Variants in SLC24A2 observed in about 807,000 individuals in gnomAD.
The protein encoded by SLC24A2 is sodium/potassium/calcium exchanger 2.
Under a neutral mutation model 62.0 loss-of-function variants are expected in SLC24A2, and 36 were observed. The observed-to-expected ratio is 0.58, with a 90% CI of 0.44 to 0.77. SLC24A2 has a LOEUF of 0.77. Among genes scored for constraint, SLC24A2 ranks in the 30% least tolerant of loss-of-function variants. The pLI is 0.00. For synonymous variants in SLC24A2, 358 were observed against 294.0 expected, an observed-to-expected ratio of 1.22 and a Z score of -2.23; for missense variants, 846 against 817.9, an observed-to-expected ratio of 1.03 and a Z score of -0.42.
Position 19,786,754 on chromosome 9 carries a change from C to T in SLC24A2, c.113G>A (p.Arg38Gln), listed in dbSNP as rs1260069416. The change falls in exon 2 of 11, where the codon CGA becomes CAA. Residue 38 changes from arginine to glutamine, a missense_variant. Physicochemically the swap from Arg to Gln is conservative, Grantham distance 43. Coordinates refer to ENST00000341998, the MANE Select transcript of SLC24A2 (RefSeq NM_020344.4). The surrounding 1 kb of genome is among the most constrained non-coding windows in gnomAD (Gnocchi z 5.0). ...YSVKKKLKLI[R>Q]VLGLFMGLVA... Reference sequence around the variant, plus strand: ...CAGACCCATGAAAAGGCCTAAGACTCGAATTAACTTCAGTTTTTTCTTGAC... The same window carrying T: ...CAGACCCATGAAAAGGCCTAAGACTTGAATTAACTTCAGTTTTTTCTTGAC... 2.5e-6 allele frequency: 4 copies of T among 1,601,348 alleles called. No homozygotes were observed. Among genetic ancestry groups the T allele is most frequent in the South Asian group, 1.1e-5 (1 of 89,362 alleles).
intron 7 of SLC24A2, among the ~76,000 whole-genome samples, chr9:19,556,738 T>A (rs1179600840): frequency 2.0e-5 from 3 of 152,184 alleles, no homozygotes; most frequent in African/African-American, 7.2e-5. Context: ...AGCACTTACG[T>A]ATTTTACATA....
chr9:19,875,302 A>G, the SLC24A2 span, among the ~76,000 whole-genome samples: 1 of 152,168 alleles, frequency 6.6e-6, no homozygotes, highest in East Asian at 1.9e-4. Flanking sequence ...TTTTGCTCTC[A>G]TTTCTTCATA....
the SLC24A2 span, among the ~76,000 whole-genome samples, chr9:20,110,898 G>GA: frequency 1.3e-5 from 2 of 152,054 alleles, no homozygotes; most frequent in African/African-American, 4.8e-5. Flanking sequence ...TCTCAAATGA[G>GA]GATCCATTTT....
At chr9:19,728,093 G>A (rs1404467812) in intron 2 of SLC24A2, among the ~76,000 whole-genome samples, 1 of 152,118 alleles carries the variant, frequency 6.6e-6, no homozygotes, top group Non-Finnish European at 1.5e-5. Context: ...GGCTGTGGAG[G>A]CCATGACCTT....
chr9:20,148,892 T>A, the SLC24A2 span, among the ~76,000 whole-genome samples: 2 of 152,004 alleles, frequency 1.3e-5, no homozygotes, highest in African/African-American at 2.4e-5. Flanking sequence ...TTATGAAACG[T>A]CTAAGGAGAA....
the SLC24A2 span, among the ~76,000 whole-genome samples, chr9:19,885,198 TTA>T: frequency 6.6e-6 from 1 of 152,200 alleles, no homozygotes; most frequent in Non-Finnish European, 1.5e-5. Flanking sequence ...CTGGACCCGT[TTA>T]ACTGTCATGC....
At chr9:19,675,250 G>GCCA (rs1819529205) in intron 2 of SLC24A2, among the ~76,000 whole-genome samples, 3 of 152,208 alleles carry the variant, frequency 2.0e-5, no homozygotes, top group African/African-American at 7.2e-5. Flanking sequence ...CTGCTCCAGT[G>GCCA]GAGGTGGCAG....
At chr9:19,601,322 G>A (rs113430806) in intron 4 of SLC24A2, among the ~76,000 whole-genome samples, 1,637 of 152,318 alleles carry the variant, frequency 0.011, 41 homozygotes, top group African/African-American at 0.036. Flanking sequence ...CATTCTGATA[G>A]GACAGAAATC....
intron 7 of SLC24A2, among the ~76,000 whole-genome samples, chr9:19,557,541 G>A (rs974025519): frequency 2.0e-5 from 3 of 152,210 alleles, no homozygotes; most frequent in African/African-American, 7.2e-5. Flanking sequence ...TTACCCTGTA[G>A]TGGTGTTGAC....
intron 2 of SLC24A2, among the ~76,000 whole-genome samples, chr9:19,770,458 A>C (rs1466387025): frequency 6.6e-6 from 1 of 152,148 alleles, no homozygotes; most frequent in Non-Finnish European, 1.5e-5. Flanking sequence ...TGAACTTTAC[A>C]CTAAAAATGT....
intron 2 of SLC24A2, among the ~76,000 whole-genome samples, chr9:19,768,850 C>T (rs1026903803): frequency 3.9e-5 from 6 of 152,304 alleles, no homozygotes; most frequent in Non-Finnish European, 7.4e-5. Context: ...TCAGTAGCTG[C>T]ACCTCCCAGG....
chr9:20,171,916 T>C, the SLC24A2 span, among the ~76,000 whole-genome samples: 42 of 152,136 alleles, frequency 2.8e-4, no homozygotes, highest in Admixed American at 2.5e-3. Flanking sequence ...ATATACCTTC[T>C]ATTCATCAGT....
rs911464317 is a variant in SLC24A2, at chr9:19,738,368, G to A, written c.930+47569C>T. ...GGAGTGGGGGCTGGATGATGTTAGG[G>A]TAAAAGTGGACATTTAGGGTAACAG... On this transcript the variant is annotated intron_variant, in intron 2 of 10. Coordinates refer to ENST00000341998, the MANE Select transcript of SLC24A2 (RefSeq NM_020344.4). Among the ~76,000 whole-genome samples, 3 of 152,104 alleles carry A rather than the reference G, an allele frequency of 2.0e-5. No individual in the cohort carries two copies. In the East Asian group the frequency reaches 5.8e-4, roughly 29 times the overall value.
the SLC24A2 span, among the ~76,000 whole-genome samples, chr9:20,080,049 G>T: frequency 6.6e-6 from 1 of 152,164 alleles, no homozygotes; most frequent in Non-Finnish European, 1.5e-5. Flanking sequence ...TGGCCATACT[G>T]CCCAAGGTAA....
chr9:19,695,507 G>A (rs1036510797), intron 2 of SLC24A2, among the ~76,000 whole-genome samples: 1 of 151,962 alleles, frequency 6.6e-6, no homozygotes, highest in African/African-American at 2.4e-5. Context: ...AAGAAAAACT[G>A]TAATTGATAC....
At chr9:20,107,790 G>C in the SLC24A2 span, among the ~76,000 whole-genome samples, 2 of 152,030 alleles carry the variant, frequency 1.3e-5, no homozygotes, top group Non-Finnish European at 2.9e-5. Context: ...CATGGGCAAG[G>C]ACTTCATGTC....
At chr9:19,580,088 G>C (rs1280549671) in intron 5 of SLC24A2, among the ~76,000 whole-genome samples, 1 of 152,212 alleles carries the variant, frequency 6.6e-6, no homozygotes, top group African/African-American at 2.4e-5. Context: ...ACAGTAAGAG[G>C]GATTAGCGTT....
At chr9:19,523,468 A>T (rs1269654789) in intron 9 of SLC24A2, among the ~76,000 whole-genome samples, 2 of 152,102 alleles carry the variant, frequency 1.3e-5, no homozygotes, top group South Asian at 4.2e-4. Flanking sequence ...TTTTAACTTA[A>T]TATGTTTTTT....
At chr9:20,100,140 T>C in the SLC24A2 span, among the ~76,000 whole-genome samples, 3 of 152,144 alleles carry the variant, frequency 2.0e-5, no homozygotes, top group Non-Finnish European at 2.9e-5. Context: ...TTCCCTGCCA[T>C]AGCTGGGATG....
Sources: allele counts gnomAD v4.1 joint callset (sites outside exome capture counted in the v4.1 genomes callset), GRCh38; gene constraint gnomAD v4.1.1; non-coding constraint Gnocchi (gnomAD v3.1); transcripts MANE v1.5; gene names NCBI Gene and HGNC (gene_info 2026-07-23, HGNC 2026-07-21).